Variants in GPR161 observed in about 807,000 individuals in gnomAD.
The protein encoded by GPR161 is G-protein coupled receptor RE2.
GPR161 carries 25 observed loss-of-function variants against 39.2 expected under a neutral mutation model. The observed-to-expected ratio is 0.64, with a 90% CI of 0.47 to 0.89. The LOEUF is 0.89. Ranked by LOEUF, GPR161 falls within the 40% of genes least tolerant of loss-of-function variation. The pLI, the probability that GPR161 is intolerant of heterozygous loss-of-function variation, is 0.00. For synonymous variants in GPR161, 286 were observed against 276.6 expected (o/e 1.03, Z -0.34); for missense variants, 547 against 677.8 (o/e 0.81, Z 2.14).
chr1:168,124,110 CATCT>C (rs1225865378), intron 1 of GPR161, among the ~76,000 whole-genome samples: 1 of 152,218 alleles, frequency 6.6e-6, no homozygotes, highest in East Asian at 1.9e-4. Context: ...TTCATCTGCC[CATCT>C]ATCTCCTTCT....
At chr1:168,092,036 T>C (rs568431952) in intron 3 of GPR161, among the ~76,000 whole-genome samples, 2 of 152,266 alleles carry the variant, frequency 1.3e-5, no homozygotes, top group African/African-American at 4.8e-5. Context: ...AAGGAGGACA[T>C]GGTGTGGGAA....
In GPR161 at chr1:168,084,785, G is replaced by T; in HGVS notation, c.*746C>A. Reference sequence around the variant, plus strand: ...TAAATGGATTTTTTTTTTAATTCTGGAAATGAAACACCTAGTACCTGCCCT... The same window carrying T: ...TAAATGGATTTTTTTTTTAATTCTGTAAATGAAACACCTAGTACCTGCCCT... On this transcript the variant is annotated 3_prime_UTR_variant, in exon 6 of 6. Transcript: ENST00000682931. 3 of 451,120 alleles carry T rather than the reference G, an allele frequency of 6.7e-6. No individual in the cohort carries two copies. The highest frequency in any genetic ancestry group is 4.9e-5 in the Admixed American group (2 of 41,158). 27.9% of individuals were successfully genotyped at this position (451,120 alleles called of 1,614,324 possible).
At chr1:168,137,184 T>C, upstream of GPR161, 2 of 1,407,128 alleles carry the variant, frequency 1.4e-6, no homozygotes, top group Non-Finnish European at 1.8e-6. Context: ...TCGCCCCACT[T>C]TTCTCCTGAA....
At chr1:168,110,588 AAAAG>A (rs1697078107) in intron 1 of GPR161, among the ~76,000 whole-genome samples, 1 of 95,776 alleles carries the variant, frequency 1.0e-5, no homozygotes, top group Non-Finnish European at 2.0e-5. Context: ...AAAAGAAAAG[AAAAG>A]AAAAGAGACA....
At chr1:168,110,542 G>T (rs1355426795) in intron 1 of GPR161, among the ~76,000 whole-genome samples, 1 of 8,570 alleles carries the variant, frequency 1.2e-4, no homozygotes, top group African/African-American at 6.0e-4. Flanking sequence ...GGAAAGGAAA[G>T]AAAAGAAAAG....
Position 168,085,659 on chromosome 1 carries a change from A to C in GPR161, c.1462T>G (p.Leu488Val), listed in dbSNP as rs1375981331. The C allele has an allele frequency of 6.2e-7, 1 of 1,614,104 alleles. No homozygotes were observed. Among genetic ancestry groups the C allele is most frequent in the Non-Finnish European group, 8.5e-7 (1 of 1,180,042 alleles). ...LFGEEALPGVLVTARTVPGGG... is the reference protein window; with the variant it reads ...LFGEEALPGVVVTARTVPGGG... ...CCCGGGACAGTCCGTGCTGTAACCA[A>C]GACCCCTGGCAAAGCCTCCTCCCCA... Residue 488 changes from leucine (L) to valine (V), a missense_variant, in exon 6 of 6, where the codon TTG becomes GTG. Coordinates refer to ENST00000682931, the MANE Select transcript of GPR161 (RefSeq NM_001375883.1).
At chr1:168,134,978 C>T in intron 1 of GPR161, 3 of 1,535,434 alleles carry the variant, frequency 2.0e-6, no homozygotes, top group African/African-American at 1.4e-5. Context: ...ACAGAGAGCT[C>T]GCAGCCCTCT....
Position 168,085,651 on chromosome 1 carries a change from T to C in GPR161, c.1470A>G (p.Thr490=), listed in dbSNP as rs1694413672. 6.2e-7 allele frequency: 1 copy of C among 1,614,072 alleles called. No individual in the cohort carries two copies. Among genetic ancestry groups the C allele is most frequent in the South Asian group, 1.1e-5 (1 of 91,082 alleles). Residue 490 remains threonine (T), a synonymous_variant, in exon 6 of 6, where the codon ACA becomes ACG. Transcript: ENST00000682931. The stretch of plus-strand genomic sequence containing the variant: ...AGCCGCCCCCCGGGACAGTCCGTGC[T>C]GTAACCAAGACCCCTGGCAAAGCCT... ...GEEALPGVLV[T]ARTVPGGGFG...
intron 2 of GPR161, among the ~76,000 whole-genome samples, chr1:168,100,695 A>G (rs571398018): frequency 6.6e-6 from 1 of 152,352 alleles, no homozygotes; most frequent in Non-Finnish European, 1.5e-5. Context: ...GGGGCAACAC[A>G]TTAACTTCCA....
intron 1 of GPR161, 65 bp from the exon 2 acceptor site, chr1:168,104,959 A>G (rs1004583295): frequency 3.1e-6 from 4 of 1,294,702 alleles, no homozygotes; most frequent in Non-Finnish European, 3.2e-6. Context: ...TCTCCACCTT[A>G]GGGAAGAAAG....
At position 168,081,883 on chromosome 1, in the gene GPR161, C is replaced by T. The variant is rs1481226165; in HGVS notation, c.*3648G>A. 1 of 152,376 alleles carries T rather than the reference C, an allele frequency of 6.6e-6. No individual in the cohort carries two copies. Among genetic ancestry groups the T allele is most frequent in the Non-Finnish European group, 1.5e-5 (1 of 68,098 alleles). The allele number at this position is 152,376 out of a possible 1,614,324, so 9.4% of individuals were successfully genotyped here. A position where few individuals can be genotyped will look rare whatever the true frequency, so the allele number is the denominator to read the frequency against. On this transcript the variant is annotated 3_prime_UTR_variant, in exon 6 of 6. Coordinates refer to ENST00000682931, the MANE Select transcript of GPR161 (RefSeq NM_001375883.1). ...ATAGCCACATCATCCTCAGTTCCTT[C>T]CAGACAGGACACAGCCAGGGCTCAA... is the stretch of plus-strand genomic sequence containing the variant.
chr1:168,136,700 C>CGCCGGG, intron 1 of GPR161, 39 bp downstream of exon 1: 1 of 1,061,498 alleles, frequency 9.4e-7, no homozygotes, highest in Non-Finnish European at 1.1e-6. Flanking sequence ...CCGCCCTCTC[C>CGCCGGG]GCCCGGGCCC....
In GPR161 at chr1:168,104,847, T is replaced by C. The variant is rs751617620; in HGVS notation, c.4A>G (p.Ser2Gly). 5 of 1,613,668 alleles carry C rather than the reference T, an allele frequency of 3.1e-6. No individual in the cohort carries two copies. In the African/African-American group the frequency reaches 6.7e-5, roughly 22 times the overall value. The change falls in exon 2 of 6, where the codon AGC becomes GGC. Residue 2 changes from serine (S) to glycine (G), a missense_variant. Physicochemically the swap from Ser to Gly is moderately conservative, Grantham distance 56. Transcript: ENST00000682931. MSLNSSLSCRKE... is the reference protein window; with the variant it reads MGLNSSLSCRKE... Reference sequence around the variant, plus strand: ...CTGCAGCTGAGGGAGGAGTTGAGGCTCATGGTCAGTGCACCTCGGCGTGGG... The same window carrying C: ...CTGCAGCTGAGGGAGGAGTTGAGGCCCATGGTCAGTGCACCTCGGCGTGGG...
At chr1:168,100,152 G>A (rs139670530) in intron 2 of GPR161, among the ~76,000 whole-genome samples, 56 of 144,260 alleles carry the variant, frequency 3.9e-4, no homozygotes, top group Non-Finnish European at 6.3e-4. Context: ...AGGCTGCAAT[G>A]AGCCATGACT....
At position 168,085,374 on chromosome 1, in the gene GPR161, G is replaced by A. The variant is rs1694376574; in HGVS notation, c.*157C>T. The A allele has an allele frequency of 1.5e-6, 1 of 660,090 alleles. No homozygotes were observed. Among genetic ancestry groups the A allele is most frequent in the Non-Finnish European group, 2.6e-6 (1 of 379,568 alleles). 40.9% of individuals were successfully genotyped at this position (660,090 alleles called of 1,614,324 possible). ...CTGTGGACTGTAGACATTATTTTCA[G>A]TCCTTGTCCTGGTGGCTGCATACCA... On this transcript the variant is annotated 3_prime_UTR_variant, in exon 6 of 6. Transcript: ENST00000682931.
chr1:168,136,981 C>T, upstream of GPR161: 1 of 879,222 alleles, frequency 1.1e-6, no homozygotes, highest in Non-Finnish European at 1.3e-6. Flanking sequence ...CCGGCCGGGC[C>T]CCTCCGGCCC....
At chr1:168,137,241 GC>G (rs1223820767), upstream of GPR161, 1 of 1,473,252 alleles carries the variant, frequency 6.8e-7, no homozygotes, top group South Asian at 1.4e-5. Context: ...CCGTTCCTCC[GC>G]CCCAGTTCCA....
chr1:168,136,029 C>A, intron 1 of GPR161: 2 of 1,238,624 alleles, frequency 1.6e-6, no homozygotes, highest in Non-Finnish European at 1.0e-6. Context: ...GTTCTCATCC[C>A]ATATGCCTTT....
chr1:168,137,585 A>C, upstream of GPR161: 1 of 606,716 alleles, frequency 1.6e-6, no homozygotes, highest in South Asian at 1.9e-5. Context: ...TCACAAAACA[A>C]AGAGCGGGCG....
Sources: gnomAD v4.1 joint callset for allele counts (sites outside exome capture counted in the v4.1 genomes callset) on GRCh38, gnomAD v4.1.1 for gene constraint, MANE v1.5 for transcripts, NCBI Gene and HGNC (gene_info 2026-07-23, HGNC 2026-07-21) for gene names.